Variants in ATF2 observed in about 807,000 individuals in gnomAD.
ATF2 encodes activating transcription factor 2.
Under a neutral mutation model 60.6 loss-of-function variants are expected in ATF2, and 24 were observed. The ratio of observed to expected loss-of-function variants is 0.40; its 90% confidence interval spans 0.29 to 0.56. The LOEUF is 0.56. Among genes scored for constraint, ATF2 ranks in the 20% least tolerant of loss-of-function variants. The pLI is 0.54. For missense variants in ATF2, 433 were observed against 607.7 expected, an observed-to-expected ratio of 0.71 and a Z score of 3.02; for synonymous variants, 206 against 215.4, an observed-to-expected ratio of 0.96 and a Z score of 0.38.
intron 4 of ATF2, among the ~76,000 whole-genome samples, chr2:175,124,934 C>T (rs1697221976): frequency 6.6e-6 from 1 of 151,982 alleles, no homozygotes; most frequent in Non-Finnish European, 1.5e-5. Flanking sequence ...GTGAAATTAA[C>T]AGGCATGTGG....
intron 13 of ATF2, among the ~76,000 whole-genome samples, chr2:175,075,719 C>T (rs967095162): frequency 1.3e-5 from 2 of 152,078 alleles, no homozygotes; most frequent in African/African-American, 4.8e-5. Flanking sequence ...AGAACATTGC[C>T]ATTAACACTT....
chr2:175,090,492 G>A (rs1487984102), intron 12 of ATF2, among the ~76,000 whole-genome samples: 2 of 151,892 alleles, frequency 1.3e-5, no homozygotes, highest in African/African-American at 4.8e-5. Flanking sequence ...ATAAATAGAT[G>A]GATATAATGC....
intron 9 of ATF2, among the ~76,000 whole-genome samples, 179 bp downstream of exon 9, chr2:175,113,812 AGAG>A (rs1696368650): frequency 6.6e-6 from 1 of 151,838 alleles, no homozygotes; most frequent in Admixed American, 6.6e-5. Context: ...TTTGGGGAGA[AGAG>A]AAAAAATAGC....
chr2:175,108,536 C>T (rs1482689835), intron 10 of ATF2, among the ~76,000 whole-genome samples: 7 of 149,964 alleles, frequency 4.7e-5, no homozygotes, highest in Non-Finnish European at 5.9e-5. Context: ...CCCGGCCAGC[C>T]GCCCCATCCG....
chr2:175,121,583 G>A (rs759900275), intron 4 of ATF2, 43 bp from the exon 5 acceptor site: 1 of 1,395,806 alleles, frequency 7.2e-7, no homozygotes. Context: ...TTTTCAATTT[G>A]ATCAAATAAG....
At chr2:175,139,800 T>C (rs1175096126) in intron 2 of ATF2, among the ~76,000 whole-genome samples, 2 of 152,094 alleles carry the variant, frequency 1.3e-5, no homozygotes, top group African/African-American at 4.8e-5. Context: ...AAAGTTCAAA[T>C]ATTATGAAAA....
chr2:175,166,762 G>A (rs1324153360), intron 1 of ATF2, among the ~76,000 whole-genome samples: 1 of 152,084 alleles, frequency 6.6e-6, no homozygotes, highest in African/African-American at 2.4e-5. Context: ...CTTCAAATAG[G>A]ACAAAAAGTG....
At chr2:175,077,504 A>G (rs965654920) in intron 13 of ATF2, among the ~76,000 whole-genome samples, 1 of 152,208 alleles carries the variant, frequency 6.6e-6, no homozygotes, top group African/African-American at 2.4e-5. Flanking sequence ...CTTCACCACT[A>G]TTCTTTAAAA....
chr2:175,147,274 C>T (rs925535404), intron 2 of ATF2, among the ~76,000 whole-genome samples: 3 of 152,066 alleles, frequency 2.0e-5, no homozygotes, highest in African/African-American at 4.8e-5. Flanking sequence ...GTGATTCACA[C>T]GATAAAATAT....
chr2:175,109,316 A>G (rs956713040), intron 10 of ATF2, among the ~76,000 whole-genome samples: 1 of 152,152 alleles, frequency 6.6e-6, no homozygotes, highest in South Asian at 2.1e-4. Flanking sequence ...CTCAGCAATA[A>G]AAAGAAGCAA....
At chr2:175,083,255 G>A (rs1308370850) in intron 12 of ATF2, among the ~76,000 whole-genome samples, 2 of 151,908 alleles carry the variant, frequency 1.3e-5, no homozygotes, top group African/African-American at 2.4e-5. Flanking sequence ...TATACTACAA[G>A]GCTACAGTAA....
At chr2:175,130,007 G>GT (rs550073261) in intron 4 of ATF2, 131 bp downstream of exon 4, 85 of 680,652 alleles carry the variant, frequency 1.2e-4, no homozygotes, top group Middle Eastern at 4.5e-4. Context: ...AGTTTCCTGG[G>GT]TTTTTTTTCA....
chr2:175,132,672 C>T (rs971961787), intron 3 of ATF2: 3 of 152,074 alleles, frequency 2.0e-5, no homozygotes, highest in African/African-American at 7.2e-5. Flanking sequence ...ACTAATTCTT[C>T]CTTAAATGTT....
intron 2 of ATF2, among the ~76,000 whole-genome samples, chr2:175,144,278 G>A (rs558408808): frequency 6.6e-6 from 1 of 152,028 alleles, no homozygotes; most frequent in Non-Finnish European, 1.5e-5. Context: ...TGACTTATTC[G>A]AGGTCAAAAA....
chr2:175,128,112 GA>G (rs1034882230), intron 4 of ATF2, among the ~76,000 whole-genome samples: 2 of 152,142 alleles, frequency 1.3e-5, no homozygotes, highest in Non-Finnish European at 2.9e-5. Flanking sequence ...ACAATCATTT[GA>G]TTTTCATTAA....
intron 10 of ATF2, among the ~76,000 whole-genome samples, chr2:175,107,406 TCTA>T (rs1695745972): frequency 6.6e-6 from 1 of 152,232 alleles, no homozygotes; most frequent in Non-Finnish European, 1.5e-5. Flanking sequence ...ACTCGGCGAT[TCTA>T]CTTTTAGCTG....
At chr2:175,138,857 T>C (rs749095189) in intron 2 of ATF2, among the ~76,000 whole-genome samples, 15 of 152,182 alleles carry the variant, frequency 9.9e-5, no homozygotes, top group Non-Finnish European at 1.9e-4. Flanking sequence ...CCCACCCCAT[T>C]CTACTGCCTA....
chr2:175,082,631 A>G (rs1037368478), intron 12 of ATF2, among the ~76,000 whole-genome samples: 1 of 152,136 alleles, frequency 6.6e-6, no homozygotes, highest in African/African-American at 2.4e-5. Flanking sequence ...GAACATAATG[A>G]TTTTCAACTC....
At chr2:175,109,410 C>G (rs1057317415) in intron 10 of ATF2, among the ~76,000 whole-genome samples, 1 of 152,144 alleles carries the variant, frequency 6.6e-6, no homozygotes, top group African/African-American at 2.4e-5. Flanking sequence ...ATATGAAATT[C>G]TATAACTAAT....
Sources: allele counts gnomAD v4.1 joint callset (sites outside exome capture counted in the v4.1 genomes callset), GRCh38; gene constraint gnomAD v4.1.1; transcripts MANE v1.5; gene names NCBI Gene and HGNC (gene_info 2026-07-23, HGNC 2026-07-21).